FERMT3: variants seen among roughly 807,000 people sequenced by gnomAD.
FERMT3 encodes FERM domain containing kindlin 3, also known as fermitin family homolog 3.
FERMT3 carries 33 observed loss-of-function variants against 80.8 expected under a neutral mutation model. The observed-to-expected ratio is 0.41, with a 90% CI of 0.31 to 0.55. The LOEUF (loss-of-function observed/expected upper bound fraction) is 0.55. Among genes scored for constraint, FERMT3 ranks in the 20% least tolerant of loss-of-function variants. The pLI is 0.31. For synonymous variants in FERMT3, 375 were observed against 372.2 expected, an observed-to-expected ratio of 1.01 and a Z score of -0.09; for missense variants, 754 against 908.7, an observed-to-expected ratio of 0.83 and a Z score of 2.19.
At chr11:64,217,340 A>G (rs766585973) in intron 6 of FERMT3, among the ~76,000 whole-genome samples, 5 of 152,232 alleles carry the variant, frequency 3.3e-5, no homozygotes, top group African/African-American at 4.8e-5. Flanking sequence ...ACCTGAGGTC[A>G]GGAATTTGAG....
At chr11:64,214,669 C>T (rs745684569) in intron 6 of FERMT3, among the ~76,000 whole-genome samples, 76 of 151,542 alleles carry the variant, frequency 5.0e-4, no homozygotes, top group Middle Eastern at 3.5e-3. Flanking sequence ...TCTTATTTTT[C>T]GGTTCTTTTT....
chr11:64,222,520 G>A (rs1000080876), intron 13 of FERMT3, among the ~76,000 whole-genome samples: 33 of 144,828 alleles, frequency 2.3e-4, no homozygotes, highest in African/African-American at 8.0e-4. Context: ...AGCCGAGATC[G>A]AGCCACTGTA....
chr11:64,207,743 A>G, intron 2 of FERMT3: 1 of 581,950 alleles, frequency 1.7e-6, no homozygotes, highest in East Asian at 3.1e-5. Flanking sequence ...CTGGTCTGCT[A>G]AGGATCAGAC....
chr11:64,214,475 A>G (rs1224600425), intron 6 of FERMT3, among the ~76,000 whole-genome samples: 1 of 151,728 alleles, frequency 6.6e-6, no homozygotes, highest in Non-Finnish European at 1.5e-5. Flanking sequence ...CCTCCCTAGT[A>G]GCTGGGATTA....
intron 2 of FERMT3, among the ~76,000 whole-genome samples, chr11:64,209,136 G>A (rs1309385493): frequency 6.6e-6 from 1 of 152,226 alleles, no homozygotes; most frequent in Non-Finnish European, 1.5e-5. Flanking sequence ...CCCCAGCCCT[G>A]AGAGGTGGTG....
chr11:64,215,832 A>AT (rs766923508), intron 6 of FERMT3, among the ~76,000 whole-genome samples: 16,385 of 137,972 alleles, frequency 0.12, 1,126 homozygotes, highest in Non-Finnish European at 0.17. Flanking sequence ...AGAAGTTGGG[A>AT]TTTTTTTTTT....
Position 64,211,786 on chromosome 11 carries a change from G to T in FERMT3, c.786+39G>T, listed in dbSNP as rs773077735. 3 of 1,588,096 alleles carry T rather than the reference G, an allele frequency of 1.9e-6. No individual in the cohort carries two copies. The highest frequency in any genetic ancestry group is 1.1e-5 in the South Asian group (1 of 90,574). Reference sequence around the variant, plus strand: ...GGGAGAAAGCGGGCCTCAGGTCCATGAGATGTGGAGACCTAGGGCCTGGGG... The same window carrying T: ...GGGAGAAAGCGGGCCTCAGGTCCATTAGATGTGGAGACCTAGGGCCTGGGG... On this transcript the variant is annotated intron_variant, in intron 6 of 14. Transcript: ENST00000345728. The surrounding 1 kb of genome is among the most constrained non-coding windows in gnomAD (Gnocchi z 4.7).
chr11:64,218,901 G>GAGCT (rs1946610618), intron 6 of FERMT3, among the ~76,000 whole-genome samples: 1 of 152,226 alleles, frequency 6.6e-6, no homozygotes, highest in South Asian at 2.1e-4. Flanking sequence ...GGGCTCATGT[G>GAGCT]AGCTTCCCTG....
chr11:64,221,667 A>T lies in FERMT3; in HGVS notation c.1670+527A>T, dbSNP rs563312141. 3.9e-4 allele frequency among the ~76,000 whole-genome samples: 59 copies of T among 150,880 alleles called. 2 individuals are homozygous for T. Among genetic ancestry groups the T allele is most frequent in the Admixed American group, 3.5e-3 (53 of 15,202 alleles). ...GGCTGGGCCAAGCATGGTGGCTCAC[A>T]CCTGTAATCTCAGCACTTTGGGAGG... On this transcript the variant is annotated intron_variant, in intron 13 of 14. Transcript: ENST00000345728.
intron 2 of FERMT3, chr11:64,207,739 T>C: frequency 1.7e-6 from 1 of 591,712 alleles, no homozygotes; most frequent in East Asian, 3.1e-5. Flanking sequence ...GCAGCTGGTC[T>C]GCTAAGGATC....
chr11:64,218,915 A>G (rs532974069), intron 6 of FERMT3, among the ~76,000 whole-genome samples: 1 of 152,324 alleles, frequency 6.6e-6, no homozygotes, highest in South Asian at 2.1e-4. Context: ...TTCCCTGTGG[A>G]AACTGTTTCC....
At position 64,211,119 on chromosome 11, in the gene FERMT3, G is replaced by A. The variant is rs201431618; in HGVS notation, c.462G>A (p.Glu154=). 2.6e-6 allele frequency: 4 copies of A among 1,553,718 alleles called. No homozygotes were observed. The East Asian group carries it at 9.7e-5, about 38-fold the overall frequency. The change falls in exon 4 of 15, where the codon GAG becomes GAA. Residue 154 remains glutamate, a synonymous_variant. Coordinates refer to ENST00000345728, the MANE Select transcript of FERMT3 (RefSeq NM_031471.6). The surrounding 1 kb of genome is among the most constrained non-coding windows in gnomAD (Gnocchi z 4.7). Reference sequence around the variant, plus strand: ...AGAAGAAGGAGAAGAAGAAGAAAGAGAAGGAGCCAGAGGAAGAGCTCTATG... The same window carrying A: ...AGAAGAAGGAGAAGAAGAAGAAAGAAAAGGAGCCAGAGGAAGAGCTCTATG... ...APEKKEKKKK[E]KEPEEELYDL...
At position 64,223,039 on chromosome 11, in the gene FERMT3, G is replaced by C; in HGVS notation, c.1671-9G>C. 3 of 1,613,318 alleles carry C rather than the reference G, an allele frequency of 1.9e-6. No homozygotes were observed. Among genetic ancestry groups the C allele is most frequent in the Non-Finnish European group, 8.5e-7 (1 of 1,179,994 alleles). ...GAGCCCTGGCTCACTCTCTCTCCCT[G>C]GGGGCCAGGTTCAAGGGCAGCAGGA... is the stretch of plus-strand genomic sequence containing the variant. On this transcript the variant is annotated splice_polypyrimidine_tract_variant and intron_variant, in intron 13 of 14. Coordinates refer to ENST00000345728, the MANE Select transcript of FERMT3 (RefSeq NM_031471.6).
chr11:64,222,957 G>A, intron 13 of FERMT3, 91 bp from the exon 14 acceptor site: 1 of 1,561,980 alleles, frequency 6.4e-7, no homozygotes, highest in South Asian at 1.1e-5. Context: ...AGTCGGGAAG[G>A]GCTGGCTCTC....
intron 13 of FERMT3, 39 bp downstream of exon 13, chr11:64,221,179 C>T: frequency 6.3e-7 from 1 of 1,583,198 alleles, no homozygotes. Context: ...AGCACCGTCT[C>T]TGCCCTCACC....
At chr11:64,223,283 C>T (rs771546586) in intron 14 of FERMT3, 30 bp from the exon 15 acceptor site, 7 of 1,613,324 alleles carry the variant, frequency 4.3e-6, no homozygotes, top group Non-Finnish European at 5.9e-6. Flanking sequence ...CTTATCCCAC[C>T]CACCATTTGC....
At chr11:64,214,932 A>C (rs1227710269) in intron 6 of FERMT3, among the ~76,000 whole-genome samples, 2 of 151,348 alleles carry the variant, frequency 1.3e-5, no homozygotes, top group Non-Finnish European at 2.9e-5. Context: ...CCTCCCACAT[A>C]GCTGGGATTA....
Position 64,211,582 on chromosome 11 carries a change from C to T in FERMT3, c.684-63C>T, listed in dbSNP as rs1946440626. 1 of 1,562,554 alleles carries T rather than the reference C, an allele frequency of 6.4e-7. No homozygotes were observed. Among genetic ancestry groups the T allele is most frequent in the African/African-American group, 1.3e-5 (1 of 74,236 alleles). On this transcript the variant is annotated intron_variant, in intron 5 of 14. Coordinates refer to ENST00000345728, the MANE Select transcript of FERMT3 (RefSeq NM_031471.6). The surrounding 1 kb of genome is among the most constrained non-coding windows in gnomAD (Gnocchi z 4.7). ...TGTGTGCTTGTCCCCCCAGCCCAGC[C>T]CCCCTCCCCACCCCACGGCCGTACC... is the stretch of plus-strand genomic sequence containing the variant.
chr11:64,208,590 C>T (rs1275583071), intron 2 of FERMT3, among the ~76,000 whole-genome samples: 1 of 152,232 alleles, frequency 6.6e-6, no homozygotes, highest in African/African-American at 2.4e-5. Context: ...TGAGACTGAC[C>T]CATGGGGGCT....
Sources: allele counts gnomAD v4.1 joint callset (sites outside exome capture counted in the v4.1 genomes callset), GRCh38; gene constraint gnomAD v4.1.1; non-coding constraint Gnocchi (gnomAD v3.1); transcripts MANE v1.5; gene names NCBI Gene and HGNC (gene_info 2026-07-23, HGNC 2026-07-21).